ANK2: variants seen among roughly 807,000 people sequenced by gnomAD.
ANK2 encodes ankyrin-2.
A neutral mutation model predicts 360.5 loss-of-function variants in ANK2; 83 were observed. The observed-to-expected ratio is 0.23, with a 90% CI of 0.19 to 0.28. ANK2 has a LOEUF of 0.28. Ranked by LOEUF, ANK2 falls within the 10% of genes least tolerant of loss-of-function variation. The pLI, the probability that ANK2 is intolerant of heterozygous loss-of-function variation, is 1.00. For missense variants in ANK2, 4,201 were observed against 4,795.7 expected, an observed-to-expected ratio of 0.88 and a Z score of 3.66; for synonymous variants, 1,740 against 1,759.5, an observed-to-expected ratio of 0.99 and a Z score of 0.28.
At chr4:113,116,332 T>C (rs2094774128) in intron 1 of ANK2, among the ~76,000 whole-genome samples, 2 of 152,140 alleles carry the variant, frequency 1.3e-5, no homozygotes, top group African/African-American at 4.8e-5. Flanking sequence ...CCTGCCTTCC[T>C]CTCCCTCTTT....
At chr4:112,850,308 T>C (rs189337824) in intron 1 of ANK2, among the ~76,000 whole-genome samples, 24 of 146,374 alleles carry the variant, frequency 1.6e-4, no homozygotes, top group Non-Finnish European at 3.3e-4. Flanking sequence ...ATCTAATTTG[T>C]TCATCCATCC....
chr4:112,770,809 T>G, the ANK2 span, among the ~76,000 whole-genome samples: 1 of 152,082 alleles, frequency 6.6e-6, no homozygotes, highest in Admixed American at 6.6e-5. Context: ...AGACTGAGGG[T>G]GGGGGCCAAG....
At chr4:112,995,070 A>C (rs1305115218) in intron 2 of ANK2, among the ~76,000 whole-genome samples, 1 of 152,228 alleles carries the variant, frequency 6.6e-6, no homozygotes, top group Non-Finnish European at 1.5e-5. Context: ...ATGAACATAC[A>C]TATGAGTGCA....
intron 2 of ANK2, among the ~76,000 whole-genome samples, chr4:112,963,573 G>A (rs1377854827): frequency 2.0e-5 from 3 of 152,054 alleles, no homozygotes; most frequent in African/African-American, 7.2e-5. Flanking sequence ...TCTTGAGAAG[G>A]GGCAGACTGA....
intron 1 of ANK2, among the ~76,000 whole-genome samples, chr4:113,115,699 C>A (rs2094694634): frequency 6.6e-6 from 1 of 152,124 alleles, no homozygotes; most frequent in Non-Finnish European, 1.5e-5. Flanking sequence ...TGCTCTCTTA[C>A]TATCTTTATG....
At chr4:113,282,964 G>T in intron 18 of ANK2, 92 bp downstream of exon 18, 2 of 1,388,578 alleles carry the variant, frequency 1.4e-6, no homozygotes, top group Non-Finnish European at 2.0e-6. Flanking sequence ...AAGGAGCAAT[G>T]TATTAAAAAG....
the ANK2 span, among the ~76,000 whole-genome samples, chr4:112,741,960 C>T: frequency 2.6e-5 from 4 of 152,044 alleles, no homozygotes; most frequent in East Asian, 5.8e-4. Context: ...GTACTTGGCC[C>T]CTTTATTTGA....
intron 31 of ANK2, among the ~76,000 whole-genome samples, chr4:113,337,225 T>C (rs889033418): frequency 6.6e-6 from 1 of 152,244 alleles, no homozygotes; most frequent in Admixed American, 6.5e-5. Flanking sequence ...TTATACCCAA[T>C]AGTTCAAACC....
In ANK2 at chr4:112,998,690, A is replaced by G. The variant is rs950312005; in HGVS notation, c.21+94176A>G. 2.0e-5 allele frequency among the ~76,000 whole-genome samples: 3 copies of G among 152,326 alleles called. No individual in the cohort carries two copies. In the South Asian group the frequency reaches 6.2e-4, roughly 32 times the overall value. The stretch of plus-strand genomic sequence containing the variant: ...AAATAAATTTGGGAAAGTGTGTTAA[A>G]TAAAGTTAAGCAGATTCATCTGCTG... On this transcript the variant is annotated intron_variant, in intron 2 of 30. Coordinates refer to the ANK2 transcript ENST00000503271.
intron 1 of ANK2, among the ~76,000 whole-genome samples, chr4:112,901,338 G>A (rs1323953181): frequency 6.6e-6 from 1 of 152,084 alleles, no homozygotes; most frequent in Admixed American, 6.5e-5. Flanking sequence ...AGAATGTGAG[G>A]GAAAGCAACT....
At chr4:113,308,976 T>G (rs1027335196) in intron 23 of ANK2, among the ~76,000 whole-genome samples, 1 of 152,222 alleles carries the variant, frequency 6.6e-6, no homozygotes, top group Non-Finnish European at 1.5e-5. Context: ...GAGTGTTATT[T>G]CAGGGGCTCA....
chr4:113,322,934 C>A (rs2087157036), intron 26 of ANK2, among the ~76,000 whole-genome samples: 1 of 151,756 alleles, frequency 6.6e-6, no homozygotes, highest in African/African-American at 2.4e-5. Context: ...AAGGTAAATT[C>A]TTTTAGATGA....
chr4:113,361,853 A>T (rs974405950), intron 39 of ANK2, among the ~76,000 whole-genome samples: 5 of 152,126 alleles, frequency 3.3e-5, no homozygotes, highest in African/African-American at 1.2e-4. Flanking sequence ...ATATGTTTGT[A>T]TCCATACCTA....
At position 113,365,045 on chromosome 4, in the gene ANK2, A is replaced by G. The variant is rs766668514; in HGVS notation, c.10895A>G (p.Asn3632Ser). 1.9e-6 allele frequency: 3 copies of G among 1,613,722 alleles called. No homozygotes were observed. The highest frequency in any genetic ancestry group is 2.5e-6 in the Non-Finnish European group (3 of 1,179,834). Residue 3632 changes from asparagine to serine, a missense_variant, in exon 41 of 46, where the codon AAC becomes AGC. Physicochemically the swap from Asn to Ser is conservative, Grantham distance 46. Coordinates refer to ENST00000357077, the MANE Select transcript of ANK2 (RefSeq NM_001148.6). The stretch of plus-strand genomic sequence containing the variant: ...TGTTTCTCTAATGTGTCAGATACCA[A>G]CCTCGTTGAATGTCTCACCAAGATC... ...ERDGKHATDT[N>S]LVECLTKINR...
chr4:113,334,466 C>A (rs1172889539), intron 29 of ANK2, among the ~76,000 whole-genome samples: 3 of 151,698 alleles, frequency 2.0e-5, no homozygotes, highest in Non-Finnish European at 2.9e-5. Flanking sequence ...GGATGGGGAC[C>A]CACTCTTTAA....
rs192809780 is a variant in ANK2, at chr4:112,875,899, C to A, written c.-39-28556C>A. On this transcript the variant is annotated intron_variant, in intron 1 of 30. Transcript: ENST00000503271. ...TGAGACCAGATGAGCGGATCACCCT[C>A]CCTGGCTAATTTTTCTTTTTTCTTT... Among the ~76,000 whole-genome samples, 60 of 151,696 alleles carry A rather than the reference C, an allele frequency of 4.0e-4. No individual in the cohort carries two copies. In the East Asian group the frequency reaches 0.012, roughly 29 times the overall value.
chr4:112,869,993 TTTTG>T (rs971415455), intron 1 of ANK2, among the ~76,000 whole-genome samples: 8 of 151,682 alleles, frequency 5.3e-5, no homozygotes, highest in African/African-American at 1.2e-4. Context: ...TTTTGTTTGT[TTTTG>T]TTTGTTTGTT....
intron 1 of ANK2, among the ~76,000 whole-genome samples, chr4:113,114,481 A>T: frequency 6.6e-6 from 1 of 152,162 alleles, no homozygotes; most frequent in Non-Finnish European, 1.5e-5. Context: ...TCTTTATGAG[A>T]CAAAGATAAA....
At chr4:113,228,398 C>T (rs542565979) in intron 4 of ANK2, among the ~76,000 whole-genome samples, 1 of 152,276 alleles carries the variant, frequency 6.6e-6, no homozygotes, top group African/African-American at 2.4e-5. Context: ...TTTGTATCCT[C>T]ATAGCTTAGC....
Sources: allele counts gnomAD v4.1 joint callset (sites outside exome capture counted in the v4.1 genomes callset), GRCh38; gene constraint gnomAD v4.1.1; transcripts MANE v1.5; gene names NCBI Gene and HGNC (gene_info 2026-07-23, HGNC 2026-07-21).